RFFL: variants seen among roughly 807,000 people sequenced by gnomAD.
RFFL encodes E3 ubiquitin-protein ligase rififylin.
In RFFL, 16 loss-of-function variants were observed where a neutral mutation model predicts 40.4. The observed-to-expected ratio is 0.40, with a 90% CI of 0.27 to 0.60. The LOEUF (loss-of-function observed/expected upper bound fraction) is 0.60, where lower values mean the gene tolerates loss of function less well. Ranked by LOEUF, RFFL falls within the 20% of genes least tolerant of loss-of-function variation. The probability of loss-of-function intolerance (pLI) is 0.47; values close to 1 mark genes in which losing one functional copy is unlikely to be tolerated. For synonymous variants in RFFL, 154 were observed against 167.9 expected (o/e 0.92, Z 0.64); for missense variants, 367 against 451.7 (o/e 0.81, Z 1.70).
chr17:35,067,636 G>A (rs1203237046), upstream of RFFL, among the ~76,000 whole-genome samples: 1 of 151,524 alleles, frequency 6.6e-6, no homozygotes, highest in African/African-American at 2.4e-5. Flanking sequence ...TGTATTTTTA[G>A]TAGAGACGGA....
rs2091354826 is a variant in RFFL at position 35,072,339 on chromosome 17, C to T, written c.-9+16766G>A. Among the ~76,000 whole-genome samples, 3 of 150,504 alleles carry T rather than the reference C, an allele frequency of 2.0e-5. No individual in the cohort carries two copies. In the South Asian group the frequency reaches 6.3e-4, roughly 32 times the overall value. On this transcript the variant is annotated intron_variant, in intron 1 of 6. Transcript: ENST00000315249. ...GCATATAAAAGTAAAAAACAAAAAA[C>T]CCAGTCTTAAAAGGTCACATATTGG...
intron 1 of RFFL, among the ~76,000 whole-genome samples, chr17:35,088,568 G>C (rs1475726878): frequency 6.6e-6 from 1 of 152,130 alleles, no homozygotes; most frequent in African/African-American, 2.4e-5. Flanking sequence ...CACACATCGC[G>C]AACAGAGGAC....
intron 1 of RFFL, among the ~76,000 whole-genome samples, chr17:35,031,359 G>A (rs897860449): frequency 1.3e-5 from 2 of 151,872 alleles, no homozygotes; most frequent in Admixed American, 1.3e-4. Flanking sequence ...CGCCTGCCAC[G>A]GCCTCCCAAA....
chr17:35,014,910 ACTCG>A, intron 5 of RFFL, 147 bp from the exon 6 acceptor site: 1 of 722,660 alleles, frequency 1.4e-6, no homozygotes, highest in Non-Finnish European at 2.5e-6. Context: ...TCTGCCCTCT[ACTCG>A]CTCTACATGC....
At chr17:35,064,545 T>C (rs2091310917), upstream of RFFL, among the ~76,000 whole-genome samples, 1 of 147,798 alleles carries the variant, frequency 6.8e-6, no homozygotes, top group African/African-American at 2.5e-5. Flanking sequence ...ACATTGGTGT[T>C]ATACAAAAAA....
At chr17:35,032,623 A>G (rs1217140735) in intron 1 of RFFL, among the ~76,000 whole-genome samples, 1 of 152,054 alleles carries the variant, frequency 6.6e-6, no homozygotes, top group African/African-American at 2.4e-5. Flanking sequence ...ATGCTGATGT[A>G]TACACAGGTA....
intron 3 of RFFL, among the ~76,000 whole-genome samples, chr17:35,020,634 A>T (rs2142320990): frequency 6.6e-6 from 1 of 151,920 alleles, no homozygotes; most frequent in Admixed American, 6.6e-5. Flanking sequence ...CAACATCATC[A>T]CTTCTTATAC....
chr17:35,082,761 T>G (rs1054555766), intron 1 of RFFL, among the ~76,000 whole-genome samples: 2 of 152,232 alleles, frequency 1.3e-5, no homozygotes, highest in African/African-American at 4.8e-5. Flanking sequence ...CAATCCTCCC[T>G]TGCATATTTT....
intron 1 of RFFL, chr17:35,077,027 C>T (rs533079724): frequency 2.9e-4 from 82 of 280,808 alleles, no homozygotes; most frequent in African/African-American, 1.7e-3. Context: ...CAATTAGTAA[C>T]ACAATAAATG....
At chr17:35,036,802 T>C (rs749561160) in intron 1 of RFFL, among the ~76,000 whole-genome samples, 10 of 152,202 alleles carry the variant, frequency 6.6e-5, no homozygotes, top group Non-Finnish European at 1.3e-4. Context: ...TATTAAGTCC[T>C]AGATTCCTAA....
chr17:35,022,314 C>G lies in RFFL; in HGVS notation c.181-533G>C, dbSNP rs960309802. 2.0e-5 allele frequency among the ~76,000 whole-genome samples: 3 copies of G among 152,152 alleles called. No individual in the cohort carries two copies. In the South Asian group the frequency reaches 6.2e-4, roughly 32 times the overall value. On this transcript the variant is annotated intron_variant, in intron 2 of 6. Transcript: ENST00000394597. ...ACAAGTGTAAGCTGTTTTATTATAG[C>G]TAGGAAATATTACCTAACGGTGACA...
intron 1 of RFFL, among the ~76,000 whole-genome samples, chr17:35,071,887 T>C (rs1239551070): frequency 2.0e-5 from 3 of 152,130 alleles, no homozygotes; most frequent in Admixed American, 6.5e-5. Context: ...GAACAAACTA[T>C]TGCTGCCACA....
At chr17:35,073,518 T>G (rs956067870) in intron 1 of RFFL, among the ~76,000 whole-genome samples, 5 of 152,156 alleles carry the variant, frequency 3.3e-5, no homozygotes, top group Non-Finnish European at 7.3e-5. Flanking sequence ...AAAACAATGT[T>G]TCTTCTATGA....
upstream of RFFL, among the ~76,000 whole-genome samples, chr17:35,067,739 G>A (rs2091327783): frequency 6.6e-6 from 1 of 152,150 alleles, no homozygotes; most frequent in Admixed American, 6.5e-5. Context: ...ATAGGTGTGA[G>A]CCACTGCGCC....
intron 1 of RFFL, among the ~76,000 whole-genome samples, chr17:35,045,212 G>A (rs549916504): frequency 2.6e-4 from 39 of 151,898 alleles, no homozygotes; most frequent in African/African-American, 6.5e-4. Context: ...CTAATCAACT[G>A]GCTAACAGTT....
At chr17:35,044,510 G>A (rs1048356776) in intron 1 of RFFL, among the ~76,000 whole-genome samples, 4 of 152,188 alleles carry the variant, frequency 2.6e-5, no homozygotes, top group South Asian at 2.1e-4. Flanking sequence ...CCAGCTGCAC[G>A]GAGGCTGAGG....
At chr17:35,085,278 G>C (rs1208006103) in intron 1 of RFFL, among the ~76,000 whole-genome samples, 1 of 152,106 alleles carries the variant, frequency 6.6e-6, no homozygotes, top group Non-Finnish European at 1.5e-5. Context: ...TTACCACTAG[G>C]TTATCATTTA....
chr17:35,079,212 G>A (rs1384968287), intron 1 of RFFL, among the ~76,000 whole-genome samples: 9 of 151,878 alleles, frequency 5.9e-5, no homozygotes, highest in Non-Finnish European at 1.2e-4. Context: ...TAGTAGAGAC[G>A]AGGGTTTCAC....
chr17:35,078,760 G>A (rs980701536), intron 1 of RFFL, among the ~76,000 whole-genome samples: 5 of 152,172 alleles, frequency 3.3e-5, no homozygotes, highest in East Asian at 3.9e-4. Context: ...CAGACAGATC[G>A]CTTTAGGTCA....
Sources: gnomAD v4.1 joint callset for allele counts (sites outside exome capture counted in the v4.1 genomes callset) on GRCh38, gnomAD v4.1.1 for gene constraint, MANE v1.5 for transcripts, NCBI Gene and HGNC (gene_info 2026-07-23, HGNC 2026-07-21) for gene names.